CCDC7: variants seen among roughly 807,000 people sequenced by gnomAD.
The protein encoded by CCDC7 is coiled-coil domain containing 7, also known as coiled-coil domain-containing protein 7.
Under a neutral mutation model 196.9 loss-of-function variants are expected in CCDC7, and 183 were observed. The observed-to-expected ratio is 0.93, with a 90% CI of 0.82 to 1.05. The LOEUF (loss-of-function observed/expected upper bound fraction) is 1.05, where lower values mean the gene tolerates loss of function less well. Among genes scored for constraint, CCDC7 ranks in the 50% least tolerant of loss-of-function variants. The probability of loss-of-function intolerance (pLI) is 0.00; values close to 1 mark genes in which losing one functional copy is unlikely to be tolerated. For synonymous variants in CCDC7, 525 were observed against 484.6 expected, an observed-to-expected ratio of 1.08 and a Z score of -1.10; for missense variants, 1,540 against 1,482.2, an observed-to-expected ratio of 1.04 and a Z score of -0.64.
chr10:32,799,310 A>G (rs1030135292), intron 29 of CCDC7, among the ~76,000 whole-genome samples: 1 of 152,182 alleles, frequency 6.6e-6, no homozygotes, highest in Non-Finnish European at 1.5e-5. Context: ...GGGGCCTGCC[A>G]ATGTCTCCAA....
chr10:32,825,687 T>C (rs1279371898), intron 32 of CCDC7, among the ~76,000 whole-genome samples: 2 of 152,092 alleles, frequency 1.3e-5, no homozygotes, highest in Admixed American at 1.3e-4. Context: ...CTGCTTAATG[T>C]GATTAAACAC....
chr10:32,725,284 C>A, intron 25 of CCDC7: 1 of 468,980 alleles, frequency 2.1e-6, no homozygotes, highest in East Asian at 7.0e-5. Context: ...GAAACTTTTA[C>A]AAAATTGCTT....
rs767333802 is a variant in CCDC7, at chr10:32,706,690, A to G, written c.2459-4930A>G. Among the ~76,000 whole-genome samples the G allele has an allele frequency of 1.9e-4, 29 of 152,320 alleles. 1 individual carries two copies. The highest frequency in any genetic ancestry group is 4.1e-4 in the Non-Finnish European group (28 of 68,036). ...ACTACCATCAGAGAATACTGTAAAC[A>G]CCTCTACACAACTAAACTAGAAAAT... is the stretch of plus-strand genomic sequence containing the variant. On this transcript the variant is annotated intron_variant, in intron 24 of 41. Coordinates refer to ENST00000639629, the Ensembl canonical transcript of CCDC7.
Position 32,751,957 on chromosome 10 carries a change from C to T in CCDC7, c.2905+22500C>T, listed in dbSNP as rs547544496. ...AATGCCTAACTCACTGAAGGCAGTTCGCTTGCCTCTGTATGATAGAAAATT... is the reference window on the plus strand; with the variant it reads ...AATGCCTAACTCACTGAAGGCAGTTTGCTTGCCTCTGTATGATAGAAAATT... On this transcript the variant is annotated intron_variant, in intron 28 of 41. Transcript: ENST00000639629. 2.0e-5 allele frequency among the ~76,000 whole-genome samples: 3 copies of T among 152,258 alleles called. No individual in the cohort carries two copies. In the South Asian group the frequency reaches 6.2e-4, roughly 32 times the overall value.
chr10:32,757,193 T>A (rs1052018457), intron 28 of CCDC7, among the ~76,000 whole-genome samples: 2 of 152,084 alleles, frequency 1.3e-5, no homozygotes, highest in African/African-American at 2.4e-5. Context: ...GACAGATCAA[T>A]GAGACAGAAA....
At chr10:32,458,459 ATGTG>A (rs57148461) in intron 3 of CCDC7, among the ~76,000 whole-genome samples, 18,373 of 141,842 alleles carry the variant, frequency 0.13, 1,464 homozygotes, top group East Asian at 0.33. Context: ...GTGTGTTTGC[ATGTG>A]TGTGTGTGTG....
rs947634551 is a variant in CCDC7 at position 32,876,202 on chromosome 10, T to C, written c.4112-145T>C. ...AGCATCATTCTATAAAAACAATAGG[T>C]AGGTAGATTTATATACTATTTTCCA... On this transcript the variant is annotated intron_variant, in intron 41 of 41. Transcript: ENST00000639629. The C allele has an allele frequency of 1.7e-4, 97 of 580,570 alleles. 3 individuals carry two copies. The highest frequency in any genetic ancestry group is 2.2e-4 in the Admixed American group (7 of 31,636). 36.0% of individuals were successfully genotyped at this position (580,570 alleles called of 1,614,324 possible). A position where few individuals can be genotyped will look rare whatever the true frequency, so the allele number is the denominator to read the frequency against.
At chr10:32,659,410 A>T (rs2140333075) in intron 20 of CCDC7, among the ~76,000 whole-genome samples, 1 of 152,328 alleles carries the variant, frequency 6.6e-6, no homozygotes, top group Non-Finnish European at 1.5e-5. Flanking sequence ...ATATGATTTC[A>T]GCCTTCTAAA....
At chr10:32,873,654 C>G (rs548585048) in intron 41 of CCDC7, among the ~76,000 whole-genome samples, 1 of 152,052 alleles carries the variant, frequency 6.6e-6, no homozygotes, top group South Asian at 2.1e-4. Context: ...ATTGTTTTCA[C>G]TTTTAGACTA....
chr10:32,620,702 T>A (rs1248556530), intron 18 of CCDC7, among the ~76,000 whole-genome samples: 1 of 152,182 alleles, frequency 6.6e-6, no homozygotes, highest in East Asian at 1.9e-4. Flanking sequence ...AGCCAATCCA[T>A]CCTGTGTTTA....
chr10:32,619,526 A>G (rs752571799), intron 18 of CCDC7, among the ~76,000 whole-genome samples: 1 of 152,186 alleles, frequency 6.6e-6, no homozygotes, highest in Non-Finnish European at 1.5e-5. Context: ...ATACATATGC[A>G]CACATACAGG....
At chr10:32,651,246 C>T (rs752241846) in intron 20 of CCDC7, among the ~76,000 whole-genome samples, 2 of 152,118 alleles carry the variant, frequency 1.3e-5, no homozygotes, top group African/African-American at 4.8e-5. Context: ...CTTAACTCAC[C>T]CCTTCCTCAG....
At chr10:32,661,627 A>G (rs1001058893) in intron 20 of CCDC7, among the ~76,000 whole-genome samples, 2 of 152,124 alleles carry the variant, frequency 1.3e-5, no homozygotes, top group African/African-American at 4.8e-5. Context: ...CTTCTCTTGA[A>G]GGTGGCAAGT....
In CCDC7 at chr10:32,754,813, G is replaced by A. The variant is rs111296104; in HGVS notation, c.2906-24164G>A. ...CCCACAGAGTGTGAGCTGAAGCAGG[G>A]CGGGGCACTGCCTCACCCAGGAAGT... On this transcript the variant is annotated intron_variant, in intron 28 of 41. Coordinates refer to ENST00000639629, the Ensembl canonical transcript of CCDC7. 1.4e-3 allele frequency among the ~76,000 whole-genome samples: 220 copies of A among 152,208 alleles called. 1 individual carries two copies. Among genetic ancestry groups the A allele is most frequent in the African/African-American group, 5.1e-3 (212 of 41,536 alleles).
rs531741068 is a variant in CCDC7 at position 32,577,606 on chromosome 10, TGA to T, written c.1455-5422_1455-5421del. On this transcript the variant is annotated intron_variant, in intron 16 of 41. Coordinates refer to ENST00000639629, the Ensembl canonical transcript of CCDC7. The stretch of plus-strand genomic sequence containing the variant: ...TCACTCCATAAGATTTTATGACCTT[TGA>T]GAGAGGCTTTTCCATTAGTGAATCA... 4.4e-4 allele frequency among the ~76,000 whole-genome samples: 67 copies of T among 152,278 alleles called. 1 individual carries two copies. The highest frequency in any genetic ancestry group is 1.6e-3 in the Admixed American group (25 of 15,302).
intron 8 of CCDC7, among the ~76,000 whole-genome samples, chr10:32,483,152 C>T (rs1188802470): frequency 1.3e-5 from 2 of 152,178 alleles, no homozygotes; most frequent in African/African-American, 2.4e-5. Context: ...ACATCCTCTC[C>T]AGCACCTGTT....
intron 28 of CCDC7, among the ~76,000 whole-genome samples, chr10:32,756,313 A>T (rs2076431210): frequency 6.6e-6 from 1 of 152,226 alleles, no homozygotes; most frequent in Non-Finnish European, 1.5e-5. Context: ...TGACAGATTC[A>T]CCAAAGTTGA....
intron 28 of CCDC7, among the ~76,000 whole-genome samples, chr10:32,776,578 TAATATC>T (rs2080098684): frequency 6.6e-6 from 1 of 152,230 alleles, no homozygotes; most frequent in Non-Finnish European, 1.5e-5. Flanking sequence ...ACAATATGCA[TAATATC>T]AATAAGTTCT....
At chr10:32,668,384 T>G (rs1335375819) in intron 21 of CCDC7, among the ~76,000 whole-genome samples, 4 of 152,132 alleles carry the variant, frequency 2.6e-5, no homozygotes, top group African/African-American at 4.8e-5. Context: ...CTGATTGCCC[T>G]GGCCAGAACT....
Sources: gnomAD v4.1 joint callset for allele counts (sites outside exome capture counted in the v4.1 genomes callset) on GRCh38, gnomAD v4.1.1 for gene constraint, MANE v1.5 for transcripts, NCBI Gene and HGNC (gene_info 2026-07-23, HGNC 2026-07-21) for gene names.